ZNF253: variants seen among roughly 807,000 people sequenced by gnomAD.
ZNF253 encodes zinc finger protein 253, also known as DNA-binding protein.
Under a neutral mutation model 11.9 loss-of-function variants are expected in ZNF253, and 8 were observed. That is an observed-to-expected ratio of 0.67 (90% CI 0.40 to 1.22). ZNF253 has a LOEUF of 1.22. ZNF253 is among the 50% of genes most tolerant of loss of function. ZNF253 has a pLI of 0.01. For missense variants in ZNF253, 485 were observed against 586.9 expected (o/e 0.83, Z 1.79); for synonymous variants, 194 against 194.9 (o/e 1.00, Z 0.04).
intron 1 of ZNF253, among the ~76,000 whole-genome samples, chr19:19,869,660 C>CT (rs35926309): frequency 0.014 from 1,433 of 103,272 alleles, 24 homozygotes; most frequent in Middle Eastern, 0.022. Context: ...CATGCCTGGC[C>CT]TTTTTTTTTT....
intron 1 of ZNF253, among the ~76,000 whole-genome samples, chr19:19,877,935 A>C (rs1258375227): frequency 2.0e-5 from 3 of 152,172 alleles, no homozygotes; most frequent in Non-Finnish European, 4.4e-5. Flanking sequence ...TTTACAGGCC[A>C]GAAAAACTGG....
At chr19:19,873,027 T>C (rs1420837433) in intron 1 of ZNF253, among the ~76,000 whole-genome samples, 6 of 152,078 alleles carry the variant, frequency 3.9e-5, no homozygotes, top group African/African-American at 1.2e-4. Context: ...CAAAAGGCAT[T>C]TTCTGTATTG....
Position 19,891,816 on chromosome 19 carries a change from A to G in ZNF253, c.569A>G (p.His190Arg), listed in dbSNP as rs543098284. ...AAACGGTCCTCAACCCTTACTACACATAAGAAAATTCATACTGGAGAGAAA... is the reference window on the plus strand; with the variant it reads ...AAACGGTCCTCAACCCTTACTACACGTAAGAAAATTCATACTGGAGAGAAA... ...AFKRSSTLTT[H>R]KKIHTGEKPY... Residue 190 changes from histidine to arginine, a missense_variant, in exon 4 of 4, where the codon CAT (histidine) becomes CGT (arginine). Around this residue, in one of 3 missense-constraint regions of ZNF253, gnomAD observed 218 missense variants for 213.1 expected, o/e 1.02. Transcript: ENST00000589717. 6.2e-7 allele frequency: 1 copy of G among 1,614,224 alleles called. No individual in the cohort carries two copies. The highest frequency in any genetic ancestry group is 2.2e-5 in the East Asian group (1 of 44,882).
In ZNF253 at chr19:19,885,226, T is replaced by C. The variant is rs1012470630; in HGVS notation, c.226+5080T>C. 2.2e-4 allele frequency among the ~76,000 whole-genome samples: 11 copies of C among 50,456 alleles called. 2 individuals carry two copies. Among genetic ancestry groups the C allele is most frequent in the Non-Finnish European group, 3.2e-4 (10 of 30,952 alleles). The allele number at this position is 50,456 out of a possible 152,430, so 33.1% of individuals were successfully genotyped here. On this transcript the variant is annotated intron_variant, in intron 3 of 3. Transcript: ENST00000589717. ...ATGTCTTTTTTTTGTATTCTTTCTT[T>C]CTTTCTTTCTTTCTTTCTTTCTTTC...
rs550954817 is a variant in ZNF253 at position 19,865,935 on chromosome 19, C to T, written c.-62C>T. The T allele has an allele frequency of 1.1e-4, 176 of 1,609,380 alleles. 3 individuals carry two copies. In the South Asian group the frequency reaches 1.5e-3, roughly 14 times the overall value. On this transcript the variant is annotated 5_prime_UTR_variant, in exon 1 of 4. Coordinates refer to ENST00000589717, the MANE Select transcript of ZNF253 (RefSeq NM_021047.3). ...CTTATAGAGGCCCGTCCTCTGTGGC[C>T]GTGTGACCTGCAAGTATTGGGAGAG... is the stretch of plus-strand genomic sequence containing the variant.
Position 19,892,426 on chromosome 19 carries a change from GA to G in ZNF253, c.1182del (p.Lys394AsnfsTer46). On this transcript the variant is annotated frameshift_variant, in exon 4 of 4. Coordinates refer to ENST00000589717, the MANE Select transcript of ZNF253 (RefSeq NM_021047.3). LOFTEE classifies it low-confidence loss of function (END_TRUNC). ...FSHEKIHTGE[K>X]PYKCDECGKT... Reference sequence around the variant, plus strand: ...CACATGAGAAAATTCATACTGGAGAGAAACCCTACAAATGTGATGAATGTGG... The same window carrying G: ...CACATGAGAAAATTCATACTGGAGAGAACCCTACAAATGTGATGAATGTGG... 1 of 1,613,844 alleles carries G rather than the reference GA, an allele frequency of 6.2e-7. No individual in the cohort carries two copies. The highest frequency in any genetic ancestry group is 8.5e-7 in the Non-Finnish European group (1 of 1,179,972).
chr19:19,882,517 C>CT (rs2063182089), intron 3 of ZNF253, among the ~76,000 whole-genome samples: 1 of 152,006 alleles, frequency 6.6e-6, no homozygotes. Context: ...GTTCTCATGT[C>CT]TCAGCTTTGC....
intron 1 of ZNF253, among the ~76,000 whole-genome samples, chr19:19,867,482 C>T (rs1342620298): frequency 1.4e-5 from 2 of 145,818 alleles, no homozygotes; most frequent in African/African-American, 2.5e-5. Context: ...CCTACCTCAT[C>T]CTTTCACGTA....
chr19:19,866,107 C>T, intron 1 of ZNF253, 108 bp downstream of exon 1: 1 of 1,459,380 alleles, frequency 6.9e-7, no homozygotes, highest in Non-Finnish European at 9.5e-7. Context: ...CAATCTGCCG[C>T]CGGAGTTCTC....
chr19:19,880,907 T>G (rs753139398), intron 3 of ZNF253, among the ~76,000 whole-genome samples: 2 of 152,182 alleles, frequency 1.3e-5, no homozygotes, highest in Non-Finnish European at 2.9e-5. Context: ...TCCATTCTGT[T>G]TTTATTTCTA....
chr19:19,884,171 A>T (rs2063189348), intron 3 of ZNF253, among the ~76,000 whole-genome samples: 1 of 152,038 alleles, frequency 6.6e-6, no homozygotes, highest in African/African-American at 2.4e-5. Flanking sequence ...TTAAAATGTG[A>T]CAAGATGGTT....
rs778541287 is a variant in ZNF253, at chr19:19,892,172, G to A, written c.925G>A (p.Gly309Arg). 1 of 1,613,620 alleles carries A rather than the reference G, an allele frequency of 6.2e-7. No individual in the cohort carries two copies. The highest frequency in any genetic ancestry group is 1.7e-5 in the Admixed American group (1 of 59,960). Residue 309 changes from glycine (G) to arginine (R), a missense_variant, in exon 4 of 4, where the codon GGG (glycine) becomes AGG (arginine). By Grantham distance (125) the Gly-to-Arg change is moderately radical. Coordinates refer to ENST00000589717, the MANE Select transcript of ZNF253 (RefSeq NM_021047.3). ...CACACATAAGAAAATTCATACTAGAGGGAAACCCTACAACTGTGAAGAATG... is the reference window on the plus strand; with the variant it reads ...CACACATAAGAAAATTCATACTAGAAGGAAACCCTACAACTGTGAAGAATG... The part of the protein sequence containing the change: ...VTTHKKIHTR[G>R]KPYNCEECGK...
At position 19,894,147 on chromosome 19, in the gene ZNF253, C is replaced by T. The variant is rs2063245008; in HGVS notation, c.*1400C>T. On this transcript the variant is annotated 3_prime_UTR_variant, in exon 4 of 4. Transcript: ENST00000589717. ...CAGAATGTTCAGTATAAAAACTAATCCACAGCTACAGCTGTTAGATAAATT... is the reference window on the plus strand; with the variant it reads ...CAGAATGTTCAGTATAAAAACTAATTCACAGCTACAGCTGTTAGATAAATT... The T allele has an allele frequency of 6.6e-6, 1 of 152,150 alleles. No individual in the cohort carries two copies. Among genetic ancestry groups the T allele is most frequent in the South Asian group, 2.1e-4 (1 of 4,814 alleles). The allele number at this position is 152,150 out of a possible 1,614,324, so 9.4% of individuals were successfully genotyped here. A position where few individuals can be genotyped will look rare whatever the true frequency, so the allele number is the denominator to read the frequency against.
chr19:19,875,810 C>T (rs2063153242), intron 1 of ZNF253, among the ~76,000 whole-genome samples: 1 of 152,098 alleles, frequency 6.6e-6, no homozygotes, highest in Non-Finnish European at 1.5e-5. Flanking sequence ...ATGCTGGGCC[C>T]TTTATCTAAA....
Position 19,867,763 on chromosome 19 carries a change from A to G in ZNF253, c.3+1764A>G, listed in dbSNP as rs115832402. 1.8e-3 allele frequency among the ~76,000 whole-genome samples: 271 copies of G among 152,354 alleles called. 2 individuals carry two copies. Among genetic ancestry groups the G allele is most frequent in the African/African-American group, 6.2e-3 (258 of 41,578 alleles). On this transcript the variant is annotated intron_variant, in intron 1 of 3. Transcript: ENST00000589717. The stretch of plus-strand genomic sequence containing the variant: ...CTGCAATGAACATACATATGAATGT[A>G]TCTTTATAATACAATAATTTATATT...
chr19:19,873,850 T>C (rs2063144060), intron 1 of ZNF253, among the ~76,000 whole-genome samples: 1 of 152,132 alleles, frequency 6.6e-6, no homozygotes, highest in Non-Finnish European at 1.5e-5. Flanking sequence ...TTTCTTTATA[T>C]TGTTGTGACT....
At chr19:19,876,573 G>GT (rs1211186266) in intron 1 of ZNF253, among the ~76,000 whole-genome samples, 3 of 151,838 alleles carry the variant, frequency 2.0e-5, no homozygotes, top group Non-Finnish European at 2.9e-5. Flanking sequence ...CTTTTTCTGT[G>GT]TTTTTTTTCT....
intron 1 of ZNF253, among the ~76,000 whole-genome samples, chr19:19,876,606 A>G (rs986540717): frequency 1.3e-5 from 2 of 152,088 alleles, no homozygotes; most frequent in South Asian, 4.1e-4. Flanking sequence ...ATGTCATGCT[A>G]GCAGGTAAAC....
At chr19:19,868,967 C>CA (rs1451435351) in intron 1 of ZNF253, among the ~76,000 whole-genome samples, 1 of 152,054 alleles carries the variant, frequency 6.6e-6, no homozygotes, top group Non-Finnish European at 1.5e-5. Context: ...AACCCTTTGT[C>CA]ATTTTCTCGG....
Sources: allele counts gnomAD v4.1 joint callset (sites outside exome capture counted in the v4.1 genomes callset), GRCh38; gene constraint gnomAD v4.1.1; regional missense constraint gnomAD v4.1.1; transcripts MANE v1.5; gene names NCBI Gene and HGNC (gene_info 2026-07-23, HGNC 2026-07-21).